The following XIRP2 variants were observed in gnomAD, a reference collection of about 807,000 sequenced individuals.
XIRP2 encodes the protein xin actin-binding repeat-containing protein 2.
Under a neutral mutation model 277.0 loss-of-function variants are expected in XIRP2, and 236 were observed. The ratio of observed to expected loss-of-function variants is 0.85; its 90% CI spans 0.77 to 0.95. XIRP2 has a LOEUF of 0.95. XIRP2 is among the 40% of genes least tolerant of loss of function. The probability of loss-of-function intolerance (pLI) is 0.00; values close to 1 mark genes in which losing one functional copy is unlikely to be tolerated. For synonymous variants in XIRP2, 1,490 were observed against 1,416.5 expected (o/e 1.05, Z -1.17); for missense variants, 4,640 against 4,157.5 (o/e 1.12, Z -3.19).
Position 167,246,375 on chromosome 2 carries a change from A to AGCAAT in XIRP2, c.4984_4988dup (p.Ile1663MetfsTer3). On this transcript the variant is annotated frameshift_variant, in exon 9 of 11. Transcript: ENST00000409195. LOFTEE classifies it high-confidence loss of function. Reference sequence around the variant, plus strand: ...AGATAGTGAAAGGTGATGTACAACAAGCAATAAAAAACCTGTTCTCTGAGG... The same window carrying AGCAAT: ...AGATAGTGAAAGGTGATGTACAACAAGCAATGCAATAAAAAACCTGTTCTCTGAGG... 1 of 1,613,348 alleles carries AGCAAT rather than the reference A, an allele frequency of 6.2e-7. No individual in the cohort carries two copies. The highest frequency in any genetic ancestry group is 8.5e-7 in the Non-Finnish European group (1 of 1,179,680).
chr2:166,956,378 G>A (rs1686161214), intron 2 of XIRP2, among the ~76,000 whole-genome samples: 1 of 151,792 alleles, frequency 6.6e-6, no homozygotes, highest in South Asian at 2.1e-4. Flanking sequence ...AGGACCTGGT[G>A]TCATTTAACT....
At chr2:166,938,031 T>A (rs1574095207) in intron 2 of XIRP2, among the ~76,000 whole-genome samples, 1 of 152,164 alleles carries the variant, frequency 6.6e-6, no homozygotes, top group Admixed American at 6.5e-5. Context: ...TTTGTTGATC[T>A]TTTCAAAAAA....
At chr2:167,237,938 T>C (rs1324408541) in intron 5 of XIRP2, among the ~76,000 whole-genome samples, 1 of 152,226 alleles carries the variant, frequency 6.6e-6, no homozygotes, top group African/African-American at 2.4e-5. Context: ...ATGATTGTTA[T>C]TGCTGTCTCT....
intron 2 of XIRP2, among the ~76,000 whole-genome samples, chr2:167,089,186 A>G (rs1190914439): frequency 6.6e-6 from 1 of 152,184 alleles, no homozygotes; most frequent in Non-Finnish European, 1.5e-5. Flanking sequence ...CATCACATGT[A>G]GAGAGGACAA....
At chr2:167,214,822 C>T (rs1000735176) in intron 4 of XIRP2, among the ~76,000 whole-genome samples, 1 of 152,122 alleles carries the variant, frequency 6.6e-6, no homozygotes, top group Admixed American at 6.5e-5. Context: ...CCACCTTGAC[C>T]TCCCAAAGTG....
At chr2:167,010,286 A>G (rs564384124) in intron 2 of XIRP2, among the ~76,000 whole-genome samples, 1,942 of 151,832 alleles carry the variant, frequency 0.013, 19 homozygotes, top group Middle Eastern at 0.054. Flanking sequence ...CTTTCTACAT[A>G]TGGCTAGCCA....
intron 2 of XIRP2, among the ~76,000 whole-genome samples, chr2:166,920,933 A>G (rs1685021007): frequency 6.6e-6 from 1 of 152,012 alleles, no homozygotes; most frequent in Admixed American, 6.6e-5. Context: ...TAGTTTTTGT[A>G]TTTTGCCTAT....
At chr2:167,021,457 C>G (rs766037593) in intron 2 of XIRP2, among the ~76,000 whole-genome samples, 4 of 152,020 alleles carry the variant, frequency 2.6e-5, no homozygotes, top group Non-Finnish European at 5.9e-5. Flanking sequence ...TAATATTGAA[C>G]TTTTATTAAA....
At chr2:167,210,111 T>G (rs551567165) in intron 3 of XIRP2, among the ~76,000 whole-genome samples, 1 of 152,208 alleles carries the variant, frequency 6.6e-6, no homozygotes, top group Non-Finnish European at 1.5e-5. Context: ...CTTTCTTATG[T>G]AATACATGCC....
At chr2:166,939,482 C>T (rs1164280546) in intron 2 of XIRP2, among the ~76,000 whole-genome samples, 1 of 151,734 alleles carries the variant, frequency 6.6e-6, no homozygotes, top group Non-Finnish European at 1.5e-5. Context: ...AGATCAAGAC[C>T]ATCCTGGCTA....
intron 2 of XIRP2, among the ~76,000 whole-genome samples, chr2:167,031,918 G>A (rs897969823): frequency 6.6e-6 from 1 of 151,916 alleles, no homozygotes; most frequent in African/African-American, 2.4e-5. Context: ...CCATCAAGCT[G>A]CCATTGACTT....
At chr2:167,110,636 G>A (rs1690726288) in intron 2 of XIRP2, among the ~76,000 whole-genome samples, 3 of 152,058 alleles carry the variant, frequency 2.0e-5, no homozygotes, top group African/African-American at 7.2e-5. Context: ...TTTTTGCTTT[G>A]GATTGTCTTG....
At chr2:166,982,199 A>G (rs1686887749) in intron 2 of XIRP2, among the ~76,000 whole-genome samples, 1 of 152,020 alleles carries the variant, frequency 6.6e-6, no homozygotes, top group Non-Finnish European at 1.5e-5. Context: ...TATTTCTGAT[A>G]AAGAGATATT....
intron 2 of XIRP2, among the ~76,000 whole-genome samples, chr2:167,024,306 AT>A: frequency 6.6e-6 from 1 of 152,112 alleles, no homozygotes. Flanking sequence ...TTGATTTTAT[AT>A]CCTGAGACTT....
chr2:166,963,986 G>A (rs1355179696), intron 2 of XIRP2, among the ~76,000 whole-genome samples: 1 of 151,734 alleles, frequency 6.6e-6, no homozygotes, highest in African/African-American at 2.4e-5. Flanking sequence ...AGCAGAAACA[G>A]GTGGTGGGAG....
Position 167,246,030 on chromosome 2 carries a change from A to C in XIRP2, c.4638A>C (p.Glu1546Asp), listed in dbSNP as rs771388972. 2 of 1,613,352 alleles carry C rather than the reference A, an allele frequency of 1.2e-6. No individual in the cohort carries two copies. The highest frequency in any genetic ancestry group is 2.2e-5 in the South Asian group (2 of 90,932). Reference sequence around the variant, plus strand: ...ATGAAACTAGAGTAGAAAAGATAGAAATTATTGGCAAGAGCATTAAAGAAA... The same window carrying C: ...ATGAAACTAGAGTAGAAAAGATAGACATTATTGGCAAGAGCATTAAAGAAA... Reference protein sequence around the residue: ...EFNETRVEKIEIIGKSIKETL... With the variant: ...EFNETRVEKIDIIGKSIKETL... Residue 1546 changes from glutamate to aspartate, a missense_variant, in exon 9 of 11, where the codon GAA (glutamate) becomes GAC (aspartate). Physicochemically the swap from Glu to Asp is conservative, Grantham distance 45. Transcript: ENST00000409195.
chr2:167,224,928 A>C (rs924472142), intron 5 of XIRP2, among the ~76,000 whole-genome samples: 6 of 152,214 alleles, frequency 3.9e-5, no homozygotes, highest in African/African-American at 1.4e-4. Flanking sequence ...TGAAATGAGC[A>C]TACCTGTACG....
intron 2 of XIRP2, among the ~76,000 whole-genome samples, chr2:167,009,032 TC>T (rs1462048610): frequency 6.6e-6 from 1 of 151,350 alleles, no homozygotes; most frequent in Non-Finnish European, 1.5e-5. Flanking sequence ...TGCTGCAACT[TC>T]CTATTGGCAA....
In XIRP2 at chr2:167,245,626, C is replaced by T. The variant is rs757987149; in HGVS notation, c.4234C>T (p.His1412Tyr). The T allele has an allele frequency of 1.2e-6, 2 of 1,613,518 alleles. No individual in the cohort carries two copies. The highest frequency in any genetic ancestry group is 4.5e-5 in the East Asian group (2 of 44,818). Residue 1412 changes from histidine to tyrosine, a missense_variant, in exon 9 of 11, where the codon CAT becomes TAT. Transcript: ENST00000409195. ...ACATAATATTATGCCCAGTATTGAC[C>T]ATATACAAGGTGGCAATGTAAAGAC... ...ESHNIMPSID[H>Y]IQGGNVKTSR...
Sources: gnomAD v4.1 joint callset for allele counts (sites outside exome capture counted in the v4.1 genomes callset) on GRCh38, gnomAD v4.1.1 for gene constraint, MANE v1.5 for transcripts, NCBI Gene and HGNC (gene_info 2026-07-23, HGNC 2026-07-21) for gene names.